The following GALNT17 variants were observed in gnomAD, a reference collection of about 807,000 sequenced individuals.
The protein encoded by GALNT17 is UDP-GalNAc:polypeptide N-acetylgalactosaminyltransferase-like 3.
A neutral mutation model predicts 63.7 loss-of-function variants in GALNT17; 29 were observed. The observed-to-expected ratio is 0.46, with a 90% CI of 0.34 to 0.62. GALNT17 has a LOEUF of 0.62. GALNT17 is among the 20% of genes least tolerant of loss of function. GALNT17 has a pLI of 0.01. For synonymous variants in GALNT17, 305 were observed against 318.3 expected (o/e 0.96, Z 0.45); for missense variants, 603 against 799.6 (o/e 0.75, Z 2.97).
At chr7:71,535,220 C>T (rs1443155819) in intron 5 of GALNT17, among the ~76,000 whole-genome samples, 3 of 152,192 alleles carry the variant, frequency 2.0e-5, no homozygotes, top group Non-Finnish European at 4.4e-5. Flanking sequence ...ACCGTGGTTA[C>T]TATTAAATAG....
At chr7:71,312,739 G>A (rs1791432606) in intron 1 of GALNT17, among the ~76,000 whole-genome samples, 1 of 152,158 alleles carries the variant, frequency 6.6e-6, no homozygotes, top group South Asian at 2.1e-4. Context: ...TGTTTAAAGA[G>A]CTCATCTCCA....
At chr7:71,470,434 T>G (rs768491785) in intron 5 of GALNT17, among the ~76,000 whole-genome samples, 9 of 152,236 alleles carry the variant, frequency 5.9e-5, no homozygotes, top group Admixed American at 1.3e-4. Context: ...GGTCCTTGGC[T>G]TCGGTCATGC....
chr7:71,261,249 G>A (rs752420593), intron 1 of GALNT17, among the ~76,000 whole-genome samples: 8 of 152,050 alleles, frequency 5.3e-5, no homozygotes, highest in Non-Finnish European at 1.0e-4. Flanking sequence ...GGACTCATGG[G>A]CCCCTGTTCC....
At chr7:71,135,063 G>A (rs1229888636) in intron 1 of GALNT17, among the ~76,000 whole-genome samples, 2 of 151,990 alleles carry the variant, frequency 1.3e-5, no homozygotes, top group Non-Finnish European at 2.9e-5. Flanking sequence ...GGTTGTCCAG[G>A]CTGGTCTCGA....
chr7:71,159,157 C>T (rs1189628766), intron 1 of GALNT17, among the ~76,000 whole-genome samples: 1 of 151,772 alleles, frequency 6.6e-6, no homozygotes, highest in Non-Finnish European at 1.5e-5. Context: ...CTAAGCATAG[C>T]CCCTCATGTC....
intron 6 of GALNT17, among the ~76,000 whole-genome samples, chr7:71,621,598 A>G (rs1020869639): frequency 1.1e-5 from 1 of 94,160 alleles, no homozygotes; most frequent in Non-Finnish European, 2.5e-5. Flanking sequence ...TGGACAGACA[A>G]TGGATAAAAA....
chr7:71,232,705 G>GC (rs1789815075), intron 1 of GALNT17, among the ~76,000 whole-genome samples: 1 of 152,162 alleles, frequency 6.6e-6, no homozygotes, highest in African/African-American at 2.4e-5. Flanking sequence ...GTGGAGTGCA[G>GC]CCGCTCAGGG....
intron 5 of GALNT17, among the ~76,000 whole-genome samples, chr7:71,530,265 C>T (rs556323647): frequency 3.7e-4 from 56 of 152,158 alleles, no homozygotes; most frequent in African/African-American, 1.3e-3. Flanking sequence ...TATGTCTAAC[C>T]TTTTTGATGT....
chr7:71,586,012 G>T (rs1789712342), intron 6 of GALNT17, among the ~76,000 whole-genome samples: 1 of 150,860 alleles, frequency 6.6e-6, no homozygotes, highest in Non-Finnish European at 1.5e-5. Flanking sequence ...CCAGGTTCAA[G>T]CAATTCTGCT....
At chr7:71,304,565 C>T (rs999660351) in intron 1 of GALNT17, among the ~76,000 whole-genome samples, 1 of 152,176 alleles carries the variant, frequency 6.6e-6, no homozygotes, top group African/African-American at 2.4e-5. Context: ...GGTCTATCAA[C>T]TGGGAACCAC....
intron 5 of GALNT17, among the ~76,000 whole-genome samples, chr7:71,498,631 A>G (rs1351018998): frequency 1.3e-5 from 2 of 152,210 alleles, no homozygotes; most frequent in Non-Finnish European, 2.9e-5. Context: ...AAGAGAATCA[A>G]GTGTACAAGG....
At chr7:71,607,573 A>G (rs1199138008) in intron 6 of GALNT17, among the ~76,000 whole-genome samples, 1 of 152,186 alleles carries the variant, frequency 6.6e-6, no homozygotes, top group Middle Eastern at 3.2e-3. Flanking sequence ...GACACGTACT[A>G]TTTGTTTGTT....
At chr7:71,676,898 C>T (rs970581095) in intron 8 of GALNT17, among the ~76,000 whole-genome samples, 1 of 152,082 alleles carries the variant, frequency 6.6e-6, no homozygotes, top group African/African-American at 2.4e-5. Context: ...AGTCTAAGAT[C>T]GGGGTAACCA....
intron 1 of GALNT17, among the ~76,000 whole-genome samples, chr7:71,225,898 T>G (rs1431352007): frequency 6.6e-6 from 1 of 152,200 alleles, no homozygotes. Context: ...TGGTACACTA[T>G]TAGGTTAAAA....
chr7:71,384,028 C>T (rs547459144), intron 2 of GALNT17, among the ~76,000 whole-genome samples: 6 of 152,170 alleles, frequency 3.9e-5, no homozygotes, highest in Non-Finnish European at 8.8e-5. Context: ...TTTTCCACAG[C>T]GGCCGTAACA....
chr7:71,253,151 T>G lies in GALNT17; in HGVS notation c.239-82399T>G, dbSNP rs935997492. 6.6e-5 allele frequency among the ~76,000 whole-genome samples: 10 copies of G among 152,188 alleles called. No individual in the cohort carries two copies. The East Asian group carries it at 7.7e-4, about 12-fold the overall frequency. On this transcript the variant is annotated intron_variant, in intron 1 of 10. Transcript: ENST00000333538. The stretch of plus-strand genomic sequence containing the variant: ...GCAACCACGTACCTCTTTTATCTAC[T>G]TCATTAGTTTGTTTTCATGCTGTTG...
chr7:71,509,061 A>G (rs1364183511), intron 5 of GALNT17, among the ~76,000 whole-genome samples: 2 of 152,170 alleles, frequency 1.3e-5, no homozygotes, highest in Non-Finnish European at 2.9e-5. Flanking sequence ...CGATGGTTCG[A>G]CTTAACGATT....
chr7:71,341,647 AAAT>A (rs1792006443), intron 2 of GALNT17, among the ~76,000 whole-genome samples: 1 of 152,206 alleles, frequency 6.6e-6, no homozygotes, highest in Non-Finnish European at 1.5e-5. Context: ...TGAGAGAAAA[AAAT>A]AATGTTCCAT....
chr7:71,479,995 C>A (rs1462966124), intron 5 of GALNT17, among the ~76,000 whole-genome samples: 1 of 152,058 alleles, frequency 6.6e-6, no homozygotes, highest in Admixed American at 6.6e-5. Flanking sequence ...AACAGAGCAG[C>A]TCTATCCTTT....
Sources: gnomAD v4.1 joint callset for allele counts (sites outside exome capture counted in the v4.1 genomes callset) on GRCh38, gnomAD v4.1.1 for gene constraint, MANE v1.5 for transcripts, NCBI Gene and HGNC (gene_info 2026-07-23, HGNC 2026-07-21) for gene names.